The following THOC5 variants were observed in gnomAD, a reference collection of about 807,000 sequenced individuals.
THOC5 encodes Fms-interacting protein.
THOC5 carries 43 observed loss-of-function variants against 92.9 expected under a neutral mutation model. The ratio of observed to expected loss-of-function variants is 0.46; its 90% CI spans 0.36 to 0.60. THOC5 has a LOEUF of 0.60. THOC5 is among the 20% of genes least tolerant of loss of function. The probability of loss-of-function intolerance (pLI) is 0.00; values close to 1 mark genes in which losing one functional copy is unlikely to be tolerated. For synonymous variants in THOC5, 296 were observed against 320.1 expected (o/e 0.92, Z 0.80); for missense variants, 659 against 849.4 (o/e 0.78, Z 2.79).
chr22:29,517,469 C>A, intron 15 of THOC5, 103 bp from the exon 16 acceptor site: 1 of 968,376 alleles, frequency 1.0e-6, no homozygotes, highest in Non-Finnish European at 1.6e-6. Context: ...GATGGCCCGG[C>A]CAGCTATCCT....
chr22:29,537,686 T>A (rs1352545701), intron 6 of THOC5, among the ~76,000 whole-genome samples: 1 of 151,914 alleles, frequency 6.6e-6, no homozygotes, highest in East Asian at 1.9e-4. Flanking sequence ...GGTCAAGAGG[T>A]AGAGACCATC....
chr22:29,515,392 C>A (rs2063315174), intron 17 of THOC5, among the ~76,000 whole-genome samples: 1 of 152,118 alleles, frequency 6.6e-6, no homozygotes, highest in African/African-American at 2.4e-5. Flanking sequence ...GACTATAGTG[C>A]AAACATAACT....
intron 5 of THOC5, 28 bp downstream of exon 5, chr22:29,542,831 T>G: frequency 6.6e-7 from 1 of 1,524,010 alleles, no homozygotes; most frequent in Non-Finnish European, 9.1e-7. Context: ...AGACCACATG[T>G]GCCAAAGCCC....
chr22:29,551,640 A>C (rs2064146183), intron 1 of THOC5, among the ~76,000 whole-genome samples: 1 of 151,650 alleles, frequency 6.6e-6, no homozygotes, highest in East Asian at 1.9e-4. Context: ...GTCCCAAGCT[A>C]CTCTGGAGGC....
At chr22:29,551,857 G>A (rs981010527) in intron 1 of THOC5, among the ~76,000 whole-genome samples, 3 of 138,412 alleles carry the variant, frequency 2.2e-5, no homozygotes, top group East Asian at 2.2e-4. Context: ...ACTGTACTGC[G>A]GCCATCTCGG....
Position 29,528,134 on chromosome 22 carries a change from C to T in THOC5, c.1010G>A (p.Arg337His), listed in dbSNP as rs1463363364. 5 of 1,614,140 alleles carry T rather than the reference C, an allele frequency of 3.1e-6. No homozygotes were observed. Among genetic ancestry groups the T allele is most frequent in the Non-Finnish European group, 4.2e-6 (5 of 1,180,004 alleles). ...TGGGTGCCTCTTCAGCATCTCCTTG[C>T]GTTTGTCGTCCAACTGAACCCCCAG... is the stretch of plus-strand genomic sequence containing the variant. ...PTLGVQLDDKRKEMLKRHPLS... is the reference protein window; with the variant it reads ...PTLGVQLDDKHKEMLKRHPLS... Residue 337 changes from arginine (R) to histidine (H), a missense_variant, in exon 11 of 20, where the codon CGC (arginine) becomes CAC (histidine). Arg to His is a conservative substitution (Grantham distance 29). Coordinates refer to ENST00000490103, the MANE Select transcript of THOC5 (RefSeq NM_003678.5).
intron 19 of THOC5, among the ~76,000 whole-genome samples, chr22:29,508,800 C>T (rs764887363): frequency 2.6e-5 from 4 of 151,908 alleles, no homozygotes; most frequent in Non-Finnish European, 5.9e-5. Context: ...TAGGATTGTT[C>T]CTTTTTTTAT....
At chr22:29,534,295 G>A (rs1720304668) in intron 7 of THOC5, among the ~76,000 whole-genome samples, 1 of 152,158 alleles carries the variant, frequency 6.6e-6, no homozygotes, top group Admixed American at 6.5e-5. Context: ...GGACTGCGAG[G>A]GGGAATAAAG....
At chr22:29,523,649 T>C (rs1013832699) in intron 12 of THOC5, among the ~76,000 whole-genome samples, 1 of 152,046 alleles carries the variant, frequency 6.6e-6, no homozygotes, top group Non-Finnish European at 1.5e-5. Context: ...AGACAATGAA[T>C]CTTAGGAGAA....
rs144050938 is a variant in THOC5 at position 29,541,839 on chromosome 22, C to T, written c.452+1020G>A. Among the ~76,000 whole-genome samples the T allele has an allele frequency of 3.6e-5, 4 of 110,652 alleles. 1 individual carries two copies. In the Admixed American group the frequency reaches 3.8e-4, roughly 10 times the overall value. The allele number at this position is 110,652 out of a possible 152,430, so 72.6% of individuals were successfully genotyped here. A position where few individuals can be genotyped will look rare whatever the true frequency, so the allele number is the denominator to read the frequency against. ...TCACGCCACTGCACTCCAGCCTGGG[C>T]GACAGAGCAAGACTCCATCTCCAAA... On this transcript the variant is annotated intron_variant, in intron 5 of 19. Transcript: ENST00000490103.
chr22:29,528,961 G>C (rs2063598407), intron 9 of THOC5: 2 of 587,974 alleles, frequency 3.4e-6, no homozygotes, highest in East Asian at 5.6e-5. Flanking sequence ...GTCAGCTAGT[G>C]AGTGGCAGGG....
chr22:29,552,908 G>T (rs1569240677), intron 1 of THOC5, among the ~76,000 whole-genome samples: 1 of 152,234 alleles, frequency 6.6e-6, no homozygotes, highest in African/African-American at 2.4e-5. Context: ...AAATTCTTCT[G>T]CCTTGGGATG....
intron 8 of THOC5, chr22:29,531,574 G>A: frequency 1.7e-6 from 2 of 1,198,030 alleles, no homozygotes; most frequent in Non-Finnish European, 2.1e-6. Flanking sequence ...CCTGGGTTCT[G>A]CACCCAAGAG....
At chr22:29,528,971 G>A in intron 9 of THOC5, 191 bp downstream of exon 9, 1 of 595,546 alleles carries the variant, frequency 1.7e-6, no homozygotes, top group Non-Finnish European at 3.0e-6. Flanking sequence ...GAGTGGCAGG[G>A]CTGAAATCCA....
Position 29,511,222 on chromosome 22 carries a change from G to A in THOC5, c.1872C>T (p.Asn624=). 1 of 1,614,240 alleles carries A rather than the reference G, an allele frequency of 6.2e-7. No individual in the cohort carries two copies. Among genetic ancestry groups the A allele is most frequent in the South Asian group, 1.1e-5 (1 of 91,090 alleles). ...GCAGCACACACAGCCGCTGCAGCTGGTTGGTCAACAGCTGGTGGCTGGGCC... is the reference window on the plus strand; with the variant it reads ...GCAGCACACACAGCCGCTGCAGCTGATTGGTCAACAGCTGGTGGCTGGGCC... ...GPWPSHQLLT[N]QLQRLCVLLD... is the part of the protein sequence containing the mutation. The change falls in exon 19 of 20, where the codon AAC becomes AAT. Residue 624 remains asparagine (N), a synonymous_variant. Coordinates refer to ENST00000490103, the MANE Select transcript of THOC5 (RefSeq NM_003678.5).
intron 15 of THOC5, among the ~76,000 whole-genome samples, chr22:29,518,405 A>C (rs2063374292): frequency 6.6e-6 from 1 of 152,134 alleles, no homozygotes; most frequent in Non-Finnish European, 1.5e-5. Flanking sequence ...ACAACCACTT[A>C]CTGAGTGAAT....
chr22:29,508,600 G>C, intron 19 of THOC5, 80 bp from the exon 20 acceptor site: 1 of 1,278,554 alleles, frequency 7.8e-7, no homozygotes, highest in Non-Finnish European at 1.1e-6. Context: ...TCACACAAGG[G>C]AAAAAGAAGA....
chr22:29,523,958 G>A (rs188836340), intron 12 of THOC5, among the ~76,000 whole-genome samples: 1 of 152,344 alleles, frequency 6.6e-6, no homozygotes, highest in Non-Finnish European at 1.5e-5. Context: ...TTGAGCAAAG[G>A]CTTCTGGGCT....
chr22:29,525,841 G>A lies in THOC5; in HGVS notation c.1172C>T (p.Ala391Val), dbSNP rs765353596. 1.9e-6 allele frequency: 3 copies of A among 1,613,320 alleles called. No individual in the cohort carries two copies. In the East Asian group the frequency reaches 6.7e-5, roughly 36 times the overall value. ...GCCCAGAGCGCCTGCTCAATACCCTGCACTGATGGGGGTGATCAGCTCCAT... is the reference window on the plus strand; with the variant it reads ...GCCCAGAGCGCCTGCTCAATACCCTACACTGATGGGGGTGATCAGCTCCAT... Reference protein sequence around the residue: ...TAMELITPISAGDLLSPDSVL... With the variant: ...TAMELITPISVGDLLSPDSVL... The change falls in exon 12 of 20, where the codon GCA becomes GTA. Residue 391 changes from alanine (A) to valine (V), a missense_variant. Transcript: ENST00000490103.
Sources: gnomAD v4.1 joint callset for allele counts (sites outside exome capture counted in the v4.1 genomes callset) on GRCh38, gnomAD v4.1.1 for gene constraint, MANE v1.5 for transcripts, NCBI Gene and HGNC (gene_info 2026-07-23, HGNC 2026-07-21) for gene names.